The following LIG3 variants were observed in gnomAD, a reference collection of about 807,000 sequenced individuals.
The protein encoded by LIG3 is ligase II, DNA, ATP-dependent.
In LIG3, 58 loss-of-function variants were observed where a neutral mutation model predicts 110.9. The ratio of observed to expected loss-of-function variants is 0.52; its 90% CI spans 0.42 to 0.65. The LOEUF (loss-of-function observed/expected upper bound fraction) is 0.65. Among genes scored for constraint, LIG3 ranks in the 30% least tolerant of loss-of-function variants. The probability of loss-of-function intolerance (pLI) is 0.00; values close to 1 mark genes in which losing one functional copy is unlikely to be tolerated. For synonymous variants in LIG3, 422 were observed against 472.8 expected, an observed-to-expected ratio of 0.89 and a Z score of 1.39; for missense variants, 1,094 against 1,273.8, an observed-to-expected ratio of 0.86 and a Z score of 2.15.
intron 10 of LIG3, 108 bp downstream of exon 10, chr17:34,996,303 C>T (rs2090777064): frequency 7.7e-7 from 1 of 1,301,836 alleles, no homozygotes; most frequent in Non-Finnish European, 1.1e-6. Context: ...TAGTGTGGCC[C>T]TTATTCTTCG....
In LIG3 at chr17:34,986,105, A is replaced by G. The variant is rs774029440; in HGVS notation, c.665A>G (p.Asn222Ser). ...VKGASFVTST[N>S]PRKFSGFSAK... Reference sequence around the variant, plus strand: ...GGCGCCTCATTTGTCACCAGTACCAATCCCCGGAAATTTTCTGGCTTTTCA... The same window carrying G: ...GGCGCCTCATTTGTCACCAGTACCAGTCCCCGGAAATTTTCTGGCTTTTCA... The change falls in exon 3 of 20, where the codon AAT becomes AGT. Residue 222 changes from asparagine to serine, a missense_variant. Physicochemically the swap from Asn to Ser is conservative, Grantham distance 46. Transcript: ENST00000378526. 1.9e-5 allele frequency: 31 copies of G among 1,614,024 alleles called. No individual in the cohort carries two copies. Among genetic ancestry groups the G allele is most frequent in the Non-Finnish European group, 2.5e-5 (30 of 1,180,022 alleles).
chr17:34,995,951 C>T (rs541251110), intron 9 of LIG3, 113 bp from the exon 10 acceptor site: 2 of 1,329,260 alleles, frequency 1.5e-6, no homozygotes, highest in South Asian at 2.9e-5. Context: ...ATTAGCTGGG[C>T]CTTCCACATG....
chr17:34,990,130 G>A (rs1008335970), intron 4 of LIG3, among the ~76,000 whole-genome samples: 1 of 152,212 alleles, frequency 6.6e-6, no homozygotes, highest in Non-Finnish European at 1.5e-5. Flanking sequence ...TCCAACAAGA[G>A]TTCATCTGTA....
rs2090694646 is a variant in LIG3 at position 34,989,511 on chromosome 17, A to G, written c.737A>G (p.Lys246Arg). Reference protein sequence around the residue: ...SGEAPSSPTPKRSLSSSKCDP... With the variant: ...SGEAPSSPTPRRSLSSSKCDP... ...GAAGCCCCCTCGAGCCCCACCCCTA[A>G]GAGAAGTCTGTCTTCAAGCAAATGT... The change falls in exon 4 of 20, where the codon AAG becomes AGG. Residue 246 changes from lysine (K) to arginine (R), a missense_variant. By Grantham distance (26) the Lys-to-Arg change is conservative. Coordinates refer to ENST00000378526, the MANE Select transcript of LIG3 (RefSeq NM_013975.4). 1.9e-6 allele frequency: 3 copies of G among 1,613,958 alleles called. No individual in the cohort carries two copies. Among genetic ancestry groups the G allele is most frequent in the East Asian group, 4.5e-5 (2 of 44,846 alleles).
rs770559358 is a variant in LIG3, at chr17:34,983,382, C to T, written c.377C>T (p.Pro126Leu). ...CGAATTGGCAAAGTGGTGCCCAATC[C>T]CTTCTCAGAGTCTGGGGGTGATATG... is the stretch of plus-strand genomic sequence containing the variant. ...VCRIGKVVPN[P>L]FSESGGDMKE... The change falls in exon 2 of 20, where the codon CCC becomes CTC. Residue 126 changes from proline to leucine, a missense_variant. By Grantham distance (98) the Pro-to-Leu change is moderately conservative. Coordinates refer to ENST00000378526, the MANE Select transcript of LIG3 (RefSeq NM_013975.4). 9 of 1,614,012 alleles carry T rather than the reference C, an allele frequency of 5.6e-6. No homozygotes were observed. The highest frequency in any genetic ancestry group is 6.8e-6 in the Non-Finnish European group (8 of 1,180,036).
chr17:34,983,578 A>C, intron 2 of LIG3, 26 bp downstream of exon 2: 9 of 1,588,784 alleles, frequency 5.7e-6, no homozygotes, highest in South Asian at 1.1e-5. Flanking sequence ...CTGCTTTCTC[A>C]TCTTACTGGT....
intron 17 of LIG3, 149 bp downstream of exon 17, chr17:35,001,552 A>G (rs1297906426): frequency 4.9e-6 from 4 of 811,486 alleles, no homozygotes; most frequent in Non-Finnish European, 7.8e-6. Flanking sequence ...GAGGGAGACA[A>G]ACTGCTGCTG....
At chr17:34,988,744 T>C (rs1443766653) in intron 3 of LIG3, among the ~76,000 whole-genome samples, 1 of 152,182 alleles carries the variant, frequency 6.6e-6, no homozygotes, top group African/African-American at 2.4e-5. Flanking sequence ...ATGTTGAGTG[T>C]ACTAATGGAA....
intron 1 of LIG3, chr17:34,980,909 C>T (rs2090581288): frequency 6.6e-6 from 1 of 152,670 alleles, no homozygotes; most frequent in Non-Finnish European, 1.5e-5. Context: ...CCTGGCCCGG[C>T]GTGCGTCCTC....
At chr17:34,998,532 G>A in intron 13 of LIG3, 72 bp from the exon 14 acceptor site, 1 of 1,568,590 alleles carries the variant, frequency 6.4e-7, no homozygotes, top group Non-Finnish European at 8.7e-7. Flanking sequence ...CTGGTGTGTA[G>A]CAGTGAAGGG....
At position 34,991,129 on chromosome 17, in the gene LIG3, A is replaced by T. The variant is rs1417937769; in HGVS notation, c.1041+15A>T. ...ACCTAGAGCAGGTCAGAGGAACGGG[A>T]GGGAGGGTAGGCTACATTCCAGGTG... On this transcript the variant is annotated intron_variant, in intron 5 of 19. Transcript: ENST00000378526. The T allele has an allele frequency of 6.2e-7, 1 of 1,612,650 alleles. No homozygotes were observed. Among genetic ancestry groups the T allele is most frequent in the African/African-American group, 1.3e-5 (1 of 74,768 alleles).
chr17:34,996,278 G>A, intron 10 of LIG3, 83 bp downstream of exon 10: 2 of 1,468,674 alleles, frequency 1.4e-6, no homozygotes, highest in South Asian at 1.2e-5. Flanking sequence ...GTCTGAAAAG[G>A]GAGGAAATAT....
chr17:35,005,291 G>A lies in LIG3; in HGVS notation c.*785G>A. On this transcript the variant is annotated 3_prime_UTR_variant, in exon 20 of 20. Transcript: ENST00000378526. ...CTTGAGGCCAAGAACAGCCCTTGTTGCCACCAACATGGAGACTTTGTACCA... is the reference window on the plus strand; with the variant it reads ...CTTGAGGCCAAGAACAGCCCTTGTTACCACCAACATGGAGACTTTGTACCA... The A allele has an allele frequency of 1.9e-6, 1 of 537,598 alleles. No homozygotes were observed. The highest frequency in any genetic ancestry group is 1.4e-5 in the South Asian group (1 of 71,944). 33.3% of individuals were successfully genotyped at this position (537,598 alleles called of 1,614,324 possible).
At chr17:34,999,647 A>G in intron 15 of LIG3, 135 bp from the exon 16 acceptor site, 5 of 1,064,672 alleles carry the variant, frequency 4.7e-6, no homozygotes, top group Non-Finnish European at 5.6e-6. Context: ...GGTCATACCC[A>G]CTCTGGGCTG....
chr17:35,003,246 G>A, intron 19 of LIG3: 1 of 1,246,426 alleles, frequency 8.0e-7, no homozygotes, highest in Non-Finnish European at 1.1e-6. Context: ...CACCTGAGGA[G>A]CCTTTTCCCT....
At position 35,007,270 on chromosome 17, in the gene LIG3, G is replaced by A. The variant is rs2090901960; in HGVS notation, c.*2764G>A. ...TCTTGTCCCTTCTCTGCCTTAGTGT[G>A]TGTTATTGCCATTTCAATGTCAGTG... On this transcript the variant is annotated 3_prime_UTR_variant, in exon 20 of 20. Coordinates refer to ENST00000378526, the MANE Select transcript of LIG3 (RefSeq NM_013975.4). 3.9e-5 allele frequency: 6 copies of A among 152,276 alleles called. 1 individual carries two copies. Among genetic ancestry groups the A allele is most frequent in the Admixed American group, 3.9e-4 (6 of 15,274 alleles). The allele number at this position is 152,276 out of a possible 1,614,324, so 9.4% of individuals were successfully genotyped here. A position where few individuals can be genotyped will look rare whatever the true frequency, so the allele number is the denominator to read the frequency against.
At position 34,983,561 on chromosome 17, in the gene LIG3, G is replaced by A. The variant is rs1347007721; in HGVS notation, c.547+9G>A. 6.2e-7 allele frequency: 1 copy of A among 1,606,348 alleles called. No homozygotes were observed. The highest frequency in any genetic ancestry group is 1.7e-5 in the Admixed American group (1 of 59,080). On this transcript the variant is annotated intron_variant, in intron 2 of 19. Coordinates refer to ENST00000378526, the MANE Select transcript of LIG3 (RefSeq NM_013975.4). The stretch of plus-strand genomic sequence containing the variant: ...AACCCAGCACATTGCAGGTAAGGTA[G>A]AGAACACTGCTTTCTCATCTTACTG...
chr17:34,998,438 G>T (rs1164842843), intron 13 of LIG3, 142 bp downstream of exon 13: 24 of 1,092,200 alleles, frequency 2.2e-5, no homozygotes, highest in Non-Finnish European at 3.0e-5. Flanking sequence ...GATGTGTCCT[G>T]GATCTGGAGG....
Position 34,989,603 on chromosome 17 carries a change from C to G in LIG3, c.829C>G (p.Pro277Ala), listed in dbSNP as rs1567687808. Residue 277 changes from proline to alanine, a missense_variant, in exon 4 of 20, where the codon CCT becomes GCT. Physicochemically the swap from Pro to Ala is conservative, Grantham distance 27 (BLOSUM62 -1). Transcript: ENST00000378526. ...GTTATGCGCCATGGTGGCCGATAAT[C>G]CTAGCTACAACACGAAGACCCAGAT... Reference protein sequence around the residue: ...RKLCAMVADNPSYNTKTQIIQ... With the variant: ...RKLCAMVADNASYNTKTQIIQ... 1 of 1,614,110 alleles carries G rather than the reference C, an allele frequency of 6.2e-7. No homozygotes were observed.
Sources: gnomAD v4.1 joint callset for allele counts (sites outside exome capture counted in the v4.1 genomes callset) on GRCh38, gnomAD v4.1.1 for gene constraint, MANE v1.5 for transcripts, NCBI Gene and HGNC (gene_info 2026-07-23, HGNC 2026-07-21) for gene names.